The following SUFU variants were observed in gnomAD, a reference collection of about 807,000 sequenced individuals.
SUFU encodes SUFU negative regulator of hedgehog signaling.
A neutral mutation model predicts 58.9 loss-of-function variants in SUFU; 7 were observed. The ratio of observed to expected loss-of-function variants is 0.12; its 90% CI spans 0.07 to 0.22. The LOEUF is 0.22. Ranked by LOEUF, SUFU falls within the 10% of genes least tolerant of loss-of-function variation. The pLI, the probability that SUFU is intolerant of heterozygous loss-of-function variation, is 1.00. For synonymous variants in SUFU, 232 were observed against 254.8 expected, an observed-to-expected ratio of 0.91 and a Z score of 0.85; for missense variants, 451 against 641.3, an observed-to-expected ratio of 0.70 and a Z score of 3.20.
chr10:102,600,433 G>C (rs1027891638), intron 8 of SUFU, among the ~76,000 whole-genome samples: 1 of 152,188 alleles, frequency 6.6e-6, no homozygotes, highest in African/African-American at 2.4e-5. Context: ...GGGTGCACAG[G>C]CTCTTCCTTT....
chr10:102,578,744 G>A (rs553963789), intron 3 of SUFU, among the ~76,000 whole-genome samples: 3 of 151,488 alleles, frequency 2.0e-5, no homozygotes, highest in Admixed American at 2.0e-4. Flanking sequence ...GATGGTGCGC[G>A]CCTGTAATCC....
intron 2 of SUFU, among the ~76,000 whole-genome samples, chr10:102,540,648 C>T (rs991568693): frequency 6.6e-6 from 1 of 151,762 alleles, no homozygotes; most frequent in African/African-American, 2.4e-5. Context: ...AAGACTCTGT[C>T]TCAAAAAATA....
rs988006884 is a variant in SUFU at position 102,570,985 on chromosome 10, T to TA, written c.454+20889dup. On this transcript the variant is annotated intron_variant, in intron 3 of 11. Transcript: ENST00000369902. ...TTACATATTTTGTTTTCTTGGATTCTAAAAAAAAAACCAAAACCTTCAAGG... is the reference window on the plus strand; with the variant it reads ...TTACATATTTTGTTTTCTTGGATTCTAAAAAAAAAAACCAAAACCTTCAAGG... Among the ~76,000 whole-genome samples the TA allele has an allele frequency of 5.6e-3, 832 of 148,686 alleles. 6 individuals carry two copies. The highest frequency in any genetic ancestry group is 0.019 in the African/African-American group (782 of 40,646).
intron 3 of SUFU, among the ~76,000 whole-genome samples, chr10:102,589,671 C>G (rs946176112): frequency 6.6e-6 from 1 of 151,776 alleles, no homozygotes; most frequent in Non-Finnish European, 1.5e-5. Context: ...GTCTCAGACT[C>G]CTGACCTCAG....
intron 8 of SUFU, among the ~76,000 whole-genome samples, chr10:102,614,104 C>T (rs987317950): frequency 1.8e-4 from 27 of 152,214 alleles, no homozygotes; most frequent in African/African-American, 6.5e-4. Flanking sequence ...GAATGTGCAT[C>T]CTCAGAGCCT....
intron 3 of SUFU, among the ~76,000 whole-genome samples, chr10:102,567,787 T>G (rs2063106379): frequency 6.6e-6 from 1 of 152,112 alleles, no homozygotes; most frequent in Non-Finnish European, 1.5e-5. Flanking sequence ...CTTGGCCCAG[T>G]GGAAGCTGCA....
intron 2 of SUFU, among the ~76,000 whole-genome samples, chr10:102,537,058 G>T (rs1309775739): frequency 2.0e-5 from 3 of 151,818 alleles, no homozygotes; most frequent in African/African-American, 7.3e-5. Flanking sequence ...TGATCTGCCC[G>T]CGTTGGTCTC....
intron 2 of SUFU, among the ~76,000 whole-genome samples, chr10:102,514,051 AT>A (rs1438134914): frequency 2.1e-3 from 304 of 145,220 alleles, no homozygotes; most frequent in Middle Eastern, 0.011. Context: ...CACCCGGCAA[AT>A]TTTTTTTTTT....
upstream of SUFU, chr10:102,503,917 G>A (rs1300613961): frequency 3.9e-6 from 2 of 506,912 alleles, no homozygotes; most frequent in East Asian, 3.6e-5. Flanking sequence ...CTTGGATAGG[G>A]TGCGCCGGCG....
chr10:102,529,846 G>A (rs1208897195), intron 2 of SUFU, among the ~76,000 whole-genome samples: 1 of 151,830 alleles, frequency 6.6e-6, no homozygotes, highest in African/African-American at 2.4e-5. Context: ...TCGGGAGGCT[G>A]AGGCAGGAGA....
At chr10:102,579,605 C>G (rs761502528) in intron 3 of SUFU, among the ~76,000 whole-genome samples, 1 of 152,168 alleles carries the variant, frequency 6.6e-6, no homozygotes, top group Non-Finnish European at 1.5e-5. Context: ...GCTAGCTGTG[C>G]GATTCCTTTG....
intron 8 of SUFU, among the ~76,000 whole-genome samples, chr10:102,604,622 C>T (rs1280690903): frequency 6.6e-6 from 1 of 152,164 alleles, no homozygotes; most frequent in Admixed American, 6.5e-5. Flanking sequence ...AAAAGGAAGG[C>T]TCAAAGGTAA....
Position 102,504,167 on chromosome 10 carries a change from G to T in SUFU, c.15G>T (p.Arg5=). The T allele has an allele frequency of 6.5e-7, 1 of 1,545,826 alleles. No homozygotes were observed. The highest frequency in any genetic ancestry group is 1.2e-5 in the South Asian group (1 of 84,100). MAEL[R]PSGAPGPTAP... ...TACGCACCCCGATGGCGGAGCTGCG[G>T]CCTAGCGGCGCCCCCGGCCCCACCG... Residue 5 remains arginine, a synonymous_variant, in exon 1 of 12, where the codon CGG becomes CGT. Transcript: ENST00000369902.
chr10:102,615,820 A>G (rs543457908), intron 9 of SUFU, among the ~76,000 whole-genome samples: 31 of 152,246 alleles, frequency 2.0e-4, no homozygotes, highest in Admixed American at 5.9e-4. Flanking sequence ...ACAGTCCCCA[A>G]TGCGCCCAGC....
chr10:102,544,126 T>C (rs11191327), intron 2 of SUFU, among the ~76,000 whole-genome samples: 52,893 of 151,896 alleles, frequency 0.35, 9,372 homozygotes, highest in African/African-American at 0.39. Flanking sequence ...TTTGGAGTTA[T>C]ACAGACTTCA....
At chr10:102,604,299 G>T (rs1826664509) in intron 8 of SUFU, among the ~76,000 whole-genome samples, 1 of 152,260 alleles carries the variant, frequency 6.6e-6, no homozygotes, top group Admixed American at 6.5e-5. Context: ...GATCCATGTT[G>T]TCATGCCAAG....
intron 2 of SUFU, among the ~76,000 whole-genome samples, chr10:102,533,704 G>A (rs10883732): frequency 0.35 from 53,016 of 151,994 alleles, 9,414 homozygotes; most frequent in African/African-American, 0.39. Context: ...AAATTCTCAC[G>A]TCACATCTCT....
chr10:102,598,621 T>C (rs559995376), intron 7 of SUFU, among the ~76,000 whole-genome samples: 5 of 152,352 alleles, frequency 3.3e-5, no homozygotes, highest in Admixed American at 6.5e-5. Flanking sequence ...ACTGGCTATT[T>C]TTAAAAATTG....
chr10:102,510,969 A>C (rs2062393867), intron 2 of SUFU, among the ~76,000 whole-genome samples: 1 of 151,512 alleles, frequency 6.6e-6, no homozygotes, highest in African/African-American at 2.4e-5. Flanking sequence ...AAAAATAATA[A>C]AATTAGCCGG....
Sources: allele counts gnomAD v4.1 joint callset (sites outside exome capture counted in the v4.1 genomes callset), GRCh38; gene constraint gnomAD v4.1.1; transcripts MANE v1.5; gene names NCBI Gene and HGNC (gene_info 2026-07-23, HGNC 2026-07-21).